The following SLC12A1 variants were observed in gnomAD, a reference collection of about 807,000 sequenced individuals.
SLC12A1 encodes solute carrier family 12 member 1, also known as Na-K-2Cl cotransporter.
SLC12A1 carries 89 observed loss-of-function variants against 130.4 expected under a neutral mutation model. That is an observed-to-expected ratio of 0.68 (90% CI 0.58 to 0.81). SLC12A1 has a LOEUF of 0.81. SLC12A1 is among the 40% of genes least tolerant of loss of function. The pLI, the probability that SLC12A1 is intolerant of heterozygous loss-of-function variation, is 0.00. For synonymous variants in SLC12A1, 499 were observed against 460.0 expected, an observed-to-expected ratio of 1.08 and a Z score of -1.09; for missense variants, 1,310 against 1,336.4, an observed-to-expected ratio of 0.98 and a Z score of 0.31.
intron 5 of SLC12A1, chr15:48,227,890 C>T (rs1374792464): frequency 6.6e-6 from 1 of 152,320 alleles, no homozygotes; most frequent in Non-Finnish European, 1.5e-5. Context: ...TGATCCAGCC[C>T]ACCTAGGTAA....
Position 48,207,667 on chromosome 15 carries a change from T to C in SLC12A1, c.-53T>C. On this transcript the variant is annotated 5_prime_UTR_variant, in exon 2 of 27. Transcript: ENST00000380993. Reference sequence around the variant, plus strand: ...TTATTTTGATGAAGAAATATATAGATTTTTTAAAACAACCACAAAGTAGAT... The same window carrying C: ...TTATTTTGATGAAGAAATATATAGACTTTTTAAAACAACCACAAAGTAGAT... The C allele has an allele frequency of 1.4e-6, 2 of 1,432,310 alleles. No individual in the cohort carries two copies. The highest frequency in any genetic ancestry group is 1.9e-6 in the Non-Finnish European group (2 of 1,080,104). The allele number at this position is 1,432,310 out of a possible 1,614,324, so 88.7% of individuals were successfully genotyped here.
chr15:48,277,733 T>C (rs1254556323), intron 20 of SLC12A1, among the ~76,000 whole-genome samples: 1 of 152,198 alleles, frequency 6.6e-6, no homozygotes, highest in Non-Finnish European at 1.5e-5. Flanking sequence ...GATCGATTCA[T>C]ACTCTATTTG....
chr15:48,267,820 T>C lies in SLC12A1; in HGVS notation c.2295+119T>C, dbSNP rs1485037275. ...GCCAAGCATCAGAGATCAGTGCAGATGGTTAAGGGATTATTTTGAATTCCT... is the reference window on the plus strand; with the variant it reads ...GCCAAGCATCAGAGATCAGTGCAGACGGTTAAGGGATTATTTTGAATTCCT... On this transcript the variant is annotated intron_variant, in intron 18 of 26. Transcript: ENST00000380993. 11 of 1,050,148 alleles carry C rather than the reference T, an allele frequency of 1.0e-5. No individual in the cohort carries two copies. The Admixed American group carries it at 2.0e-4, about 19-fold the overall frequency. 65.1% of individuals were successfully genotyped at this position (1,050,148 alleles called of 1,614,324 possible).
intron 2 of SLC12A1, among the ~76,000 whole-genome samples, chr15:48,217,310 T>A (rs1443868494): frequency 6.6e-6 from 1 of 152,168 alleles, no homozygotes; most frequent in Non-Finnish European, 1.5e-5. Flanking sequence ...AATTTCTTTT[T>A]CCTTTTTAAA....
At chr15:48,293,460 G>A (rs1487627846) in intron 24 of SLC12A1, among the ~76,000 whole-genome samples, 1 of 152,152 alleles carries the variant, frequency 6.6e-6, no homozygotes, top group Non-Finnish European at 1.5e-5. Context: ...GGATGTGAAG[G>A]TCCTGGAATG....
At chr15:48,266,388 G>C (rs1164605700) in intron 17 of SLC12A1, among the ~76,000 whole-genome samples, 2 of 151,278 alleles carry the variant, frequency 1.3e-5, no homozygotes, top group South Asian at 2.1e-4. Flanking sequence ...CAGAGATAAG[G>C]AATTACCTCC....
chr15:48,225,399 A>G (rs2041271713), intron 4 of SLC12A1: 1 of 152,174 alleles, frequency 6.6e-6, no homozygotes, highest in Non-Finnish European at 1.5e-5. Flanking sequence ...TTGTAGGCCA[A>G]TTATCATGTT....
At chr15:48,258,363 A>T (rs1434048882) in intron 16 of SLC12A1, among the ~76,000 whole-genome samples, 4 of 67,888 alleles carry the variant, frequency 5.9e-5, no homozygotes, top group Admixed American at 5.5e-4. Flanking sequence ...TCCGTCTCAA[A>T]AAAAAAAAAA....
intron 1 of SLC12A1, among the ~76,000 whole-genome samples, chr15:48,207,218 T>C (rs889048658): frequency 1.3e-5 from 2 of 152,212 alleles, no homozygotes; most frequent in Non-Finnish European, 2.9e-5. Flanking sequence ...CATCAGCTCT[T>C]ACTGTATTCA....
intron 2 of SLC12A1, among the ~76,000 whole-genome samples, chr15:48,220,144 TAGATA>T (rs2141017299): frequency 7.0e-6 from 1 of 141,882 alleles, no homozygotes; most frequent in African/African-American, 2.7e-5. Context: ...GATAGATAGA[TAGATA>T]GATAGATAGA....
rs1040334593 is a variant in SLC12A1, at chr15:48,285,257, C to T, written c.2629+8C>T. On this transcript the variant is annotated splice_region_variant and intron_variant, in intron 21 of 26. Coordinates refer to ENST00000380993, the MANE Select transcript of SLC12A1 (RefSeq NM_000338.3). ...AGACAACGCCTAAAAAAGGTAAGAA[C>T]TTTTTAAAATTTGCAAAAAAGTTTA... is the stretch of plus-strand genomic sequence containing the variant. 2 of 1,612,824 alleles carry T rather than the reference C, an allele frequency of 1.2e-6. No homozygotes were observed. The highest frequency in any genetic ancestry group is 1.7e-6 in the Non-Finnish European group (2 of 1,179,534).
At chr15:48,250,161 G>A (rs1566840893) in intron 14 of SLC12A1, among the ~76,000 whole-genome samples, 2 of 152,174 alleles carry the variant, frequency 1.3e-5, no homozygotes, top group Non-Finnish European at 1.5e-5. Flanking sequence ...TTGGGCTGTG[G>A]TTTAAAGCTG....
intron 8 of SLC12A1, among the ~76,000 whole-genome samples, chr15:48,234,235 C>T (rs1292161297): frequency 6.6e-6 from 1 of 151,882 alleles, no homozygotes; most frequent in Non-Finnish European, 1.5e-5. Flanking sequence ...GTGGGTATGC[C>T]AGTGTGATCA....
intron 17 of SLC12A1, among the ~76,000 whole-genome samples, chr15:48,264,766 A>G (rs1013711459): frequency 2.0e-5 from 3 of 152,216 alleles, no homozygotes; most frequent in African/African-American, 4.8e-5. Context: ...GGAATACTGC[A>G]CTTGGTGAAT....
rs575245017 is a variant in SLC12A1, at chr15:48,242,659, G to A, written c.1300+1060G>A. ...TCCTACAAAAAATAAAAAATTAGCC[G>A]GGCGTGGCGGCACACACCTATGATC... On this transcript the variant is annotated intron_variant, in intron 10 of 26. Coordinates refer to ENST00000380993, the MANE Select transcript of SLC12A1 (RefSeq NM_000338.3). Among the ~76,000 whole-genome samples the A allele has an allele frequency of 1.3e-3, 204 of 152,176 alleles. 2 individuals carry two copies. Among genetic ancestry groups the A allele is most frequent in the African/African-American group, 4.6e-3 (191 of 41,516 alleles).
chr15:48,211,673 C>G (rs868031855), intron 2 of SLC12A1, among the ~76,000 whole-genome samples: 1 of 152,146 alleles, frequency 6.6e-6, no homozygotes, highest in African/African-American at 2.4e-5. Flanking sequence ...CACATTCATA[C>G]CGAATGGCAG....
intron 16 of SLC12A1, among the ~76,000 whole-genome samples, chr15:48,256,954 T>C (rs981033136): frequency 4.0e-5 from 6 of 151,618 alleles, no homozygotes; most frequent in African/African-American, 1.5e-4. Context: ...AGACAAGGCA[T>C]GTCCCTTCTG....
intron 21 of SLC12A1, among the ~76,000 whole-genome samples, chr15:48,286,738 T>C (rs1363792352): frequency 6.6e-6 from 1 of 152,242 alleles, no homozygotes; most frequent in African/African-American, 2.4e-5. Context: ...TATACTGTTT[T>C]AATACCTAGA....
intron 16 of SLC12A1, 112 bp from the exon 17 acceptor site, chr15:48,259,088 G>A: frequency 4.5e-6 from 3 of 673,898 alleles, no homozygotes; most frequent in Middle Eastern, 4.1e-4. Context: ...AATAGATAGG[G>A]GAGAGGTTGC....
Sources: gnomAD v4.1 joint callset for allele counts (sites outside exome capture counted in the v4.1 genomes callset) on GRCh38, gnomAD v4.1.1 for gene constraint, MANE v1.5 for transcripts, NCBI Gene and HGNC (gene_info 2026-07-23, HGNC 2026-07-21) for gene names.